Variants in MTA3 observed in about 807,000 individuals in gnomAD.
MTA3 encodes metastasis associated 1 family member 3.
Under a neutral mutation model 83.5 loss-of-function variants are expected in MTA3, and 34 were observed. The observed-to-expected ratio is 0.41, with a 90% CI of 0.31 to 0.54. The LOEUF (loss-of-function observed/expected upper bound fraction) is 0.54, where lower values mean the gene tolerates loss of function less well. MTA3 is among the 20% of genes least tolerant of loss of function. The pLI, the probability that MTA3 is intolerant of heterozygous loss-of-function variation, is 0.33. For synonymous variants in MTA3, 303 were observed against 252.7 expected, an observed-to-expected ratio of 1.20 and a Z score of -1.89; for missense variants, 761 against 726.4, an observed-to-expected ratio of 1.05 and a Z score of -0.55.
At chr2:42,686,824 C>G (rs147326549) in intron 9 of MTA3, among the ~76,000 whole-genome samples, 4 of 148,768 alleles carry the variant, frequency 2.7e-5, no homozygotes, top group African/African-American at 9.9e-5. Flanking sequence ...AAGACTTCAT[C>G]TCAAAAAAAA....
chr2:42,732,850 A>G (rs978672240), intron 16 of MTA3, among the ~76,000 whole-genome samples: 6 of 152,218 alleles, frequency 3.9e-5, no homozygotes, highest in Non-Finnish European at 2.9e-5. Context: ...AAATGCCACT[A>G]GTCTCTTTGC....
intron 4 of MTA3, among the ~76,000 whole-genome samples, chr2:42,616,136 C>G (rs554269350): frequency 3.3e-5 from 5 of 151,886 alleles, no homozygotes; most frequent in African/African-American, 1.2e-4. Flanking sequence ...TCTCGGCTCA[C>G]TGCAACTCCG....
At chr2:42,658,071 CAAAAAAAAA>C (rs59628946) in intron 7 of MTA3, among the ~76,000 whole-genome samples, 10 of 51,932 alleles carry the variant, frequency 1.9e-4, no homozygotes, top group Admixed American at 6.2e-4. Context: ...GACTCTGTCT[CAAAAAAAAA>C]AAAAAAAAAA....
At chr2:42,747,832 C>T (rs1359077460) in intron 16 of MTA3, among the ~76,000 whole-genome samples, 1 of 151,760 alleles carries the variant, frequency 6.6e-6, no homozygotes, top group Non-Finnish European at 1.5e-5. Flanking sequence ...TTAAAATATA[C>T]AATTTAATAA....
At chr2:42,679,098 C>T (rs1347324310) in intron 8 of MTA3, among the ~76,000 whole-genome samples, 1 of 152,154 alleles carries the variant, frequency 6.6e-6, no homozygotes, top group Non-Finnish European at 1.5e-5. Flanking sequence ...GTATTATTAT[C>T]AGTCTTTGAC....
chr2:42,695,332 A>C (rs1693284417), intron 9 of MTA3, among the ~76,000 whole-genome samples: 1 of 152,054 alleles, frequency 6.6e-6, no homozygotes, highest in Non-Finnish European at 1.5e-5. Flanking sequence ...TCATTATTTT[A>C]ATAAAGAAGT....
intron 2 of MTA3, among the ~76,000 whole-genome samples, chr2:42,507,186 C>T (rs1032798174): frequency 1.3e-5 from 2 of 152,120 alleles, no homozygotes; most frequent in Non-Finnish European, 2.9e-5. Context: ...CAGGCGTGAG[C>T]CACTGGTGAT....
At chr2:42,527,648 A>G (rs1488166751) in intron 2 of MTA3, among the ~76,000 whole-genome samples, 3 of 152,090 alleles carry the variant, frequency 2.0e-5, no homozygotes, top group Non-Finnish European at 4.4e-5. Flanking sequence ...ATAAAGTTTA[A>G]TAATTTTTTT....
At chr2:42,506,558 G>T (rs1447496843) in intron 2 of MTA3, among the ~76,000 whole-genome samples, 1 of 152,008 alleles carries the variant, frequency 6.6e-6, no homozygotes, top group Admixed American at 6.6e-5. Context: ...AATTCCTTCA[G>T]ATTGGATCTG....
intron 16 of MTA3, among the ~76,000 whole-genome samples, chr2:42,745,063 C>T (rs779966679): frequency 3.9e-5 from 6 of 152,212 alleles, no homozygotes; most frequent in Non-Finnish European, 5.9e-5. Flanking sequence ...TGACTGAGCA[C>T]TCTTTAAGCT....
intron 8 of MTA3, among the ~76,000 whole-genome samples, chr2:42,662,166 C>T (rs891859253): frequency 2.6e-5 from 4 of 152,020 alleles, no homozygotes; most frequent in African/African-American, 7.2e-5. Flanking sequence ...GTATATAATA[C>T]TACACAACAT....
At chr2:42,705,503 G>A (rs1021885570) in intron 12 of MTA3, among the ~76,000 whole-genome samples, 2 of 152,190 alleles carry the variant, frequency 1.3e-5, no homozygotes, top group South Asian at 2.1e-4. Context: ...TCAGGAGTTC[G>A]AGACCAGCCT....
chr2:42,583,614 G>A (rs1679918173), intron 3 of MTA3, among the ~76,000 whole-genome samples: 2 of 151,338 alleles, frequency 1.3e-5, no homozygotes, highest in African/African-American at 4.9e-5. Context: ...TCTCACTGCA[G>A]CCTTCCCTGG....
chr2:42,574,954 T>G (rs150677157), intron 2 of MTA3, among the ~76,000 whole-genome samples: 37 of 152,358 alleles, frequency 2.4e-4, no homozygotes, highest in African/African-American at 8.9e-4. Flanking sequence ...GATTCTGATC[T>G]TTTATGTTAT....
intron 14 of MTA3, among the ~76,000 whole-genome samples, chr2:42,710,435 C>T (rs1197524216): frequency 1.3e-5 from 2 of 151,168 alleles, no homozygotes; most frequent in Non-Finnish European, 2.9e-5. Flanking sequence ...CCTGTAATCC[C>T]AGCTACTCAG....
At chr2:42,708,683 T>C (rs568075297) in intron 13 of MTA3, among the ~76,000 whole-genome samples, 191 bp from the exon 14 acceptor site, 34 of 152,320 alleles carry the variant, frequency 2.2e-4, no homozygotes, top group Non-Finnish European at 3.2e-4. Context: ...CACAGTTCCC[T>C]TCTCTACTCC....
intron 9 of MTA3, among the ~76,000 whole-genome samples, chr2:42,685,511 G>A (rs1013443973): frequency 3.9e-5 from 6 of 152,166 alleles, no homozygotes; most frequent in African/African-American, 1.4e-4. Flanking sequence ...CCAACGTGCT[G>A]TCTCTCCCTT....
At chr2:42,562,041 T>A (rs762164106) in intron 2 of MTA3, among the ~76,000 whole-genome samples, 8 of 152,156 alleles carry the variant, frequency 5.3e-5, no homozygotes, top group Non-Finnish European at 1.0e-4. Context: ...CCCATGCCAG[T>A]GGTTGCTGGC....
Position 42,752,496 on chromosome 2 carries a change from T to G in MTA3, c.1760-878T>G, listed in dbSNP as rs1371164962. On this transcript the variant is annotated intron_variant, in intron 16 of 16. Transcript: ENST00000405094. ...GATGTGGTTTGCAGGCCACTTCTGC[T>G]TTTTCATTTACTTGTCTCTGCTGTA... Among the ~76,000 whole-genome samples the G allele has an allele frequency of 3.3e-5, 5 of 151,000 alleles. No individual in the cohort carries two copies. In the East Asian group the frequency reaches 5.8e-4, roughly 17 times the overall value.
Sources: gnomAD v4.1 joint callset for allele counts (sites outside exome capture counted in the v4.1 genomes callset) on GRCh38, gnomAD v4.1.1 for gene constraint, MANE v1.5 for transcripts, NCBI Gene and HGNC (gene_info 2026-07-23, HGNC 2026-07-21) for gene names.